SSBP2: variants seen among roughly 807,000 people sequenced by gnomAD.
SSBP2 encodes single-stranded DNA-binding protein 2.
SSBP2 carries 17 observed loss-of-function variants against 61.8 expected under a neutral mutation model. That is an observed-to-expected ratio of 0.28 (90% confidence interval 0.19 to 0.41). The LOEUF (loss-of-function observed/expected upper bound fraction) is 0.41, where lower values mean the gene tolerates loss of function less well. Among genes scored for constraint, SSBP2 ranks in the 10% least tolerant of loss-of-function variants. The pLI is 1.00. For missense variants in SSBP2, 310 were observed against 458.7 expected, an observed-to-expected ratio of 0.68 and a Z score of 2.96; for synonymous variants, 139 against 141.3, an observed-to-expected ratio of 0.98 and a Z score of 0.12.
At position 81,484,194 on chromosome 5, in the gene SSBP2, C is replaced by G. The variant is rs76306634; in HGVS notation, c.432+5056G>C. 5.4e-3 allele frequency among the ~76,000 whole-genome samples: 825 copies of G among 152,142 alleles called. 5 individuals carry two copies. Among genetic ancestry groups the G allele is most frequent in the African/African-American group, 0.018 (763 of 41,516 alleles). On this transcript the variant is annotated intron_variant, in intron 6 of 16. Coordinates refer to ENST00000320672, the MANE Select transcript of SSBP2 (RefSeq NM_012446.5). ...AAGTTTCTATCCAAATATATGGCAA[C>G]GTATTCTATGTATTGACTTATCCAA...
intron 3 of SSBP2, among the ~76,000 whole-genome samples, chr5:81,623,331 CT>C (rs35687529): frequency 0.021 from 2,313 of 110,500 alleles, 3 homozygotes; most frequent in Middle Eastern, 0.03. Flanking sequence ...CATTGTAGTA[CT>C]TTTTTTTTTT....
intron 1 of SSBP2, among the ~76,000 whole-genome samples, chr5:81,734,693 C>T (rs1324393414): frequency 2.0e-5 from 3 of 152,054 alleles, no homozygotes; most frequent in Non-Finnish European, 4.4e-5. Flanking sequence ...TCAAGTTGGC[C>T]GGGCGCGGTG....
chr5:81,651,751 C>T (rs1749748432), intron 1 of SSBP2, among the ~76,000 whole-genome samples: 2 of 152,162 alleles, frequency 1.3e-5, no homozygotes, highest in Non-Finnish European at 2.9e-5. Flanking sequence ...TGGAATATTC[C>T]TGTAGTTTCA....
chr5:81,654,984 T>C (rs923764479), intron 1 of SSBP2, among the ~76,000 whole-genome samples: 33 of 151,292 alleles, frequency 2.2e-4, no homozygotes, highest in African/African-American at 7.3e-4. Flanking sequence ...TATATATATA[T>C]ACTTATATAT....
At chr5:81,588,098 T>A (rs1342868497) in intron 4 of SSBP2, among the ~76,000 whole-genome samples, 2 of 152,116 alleles carry the variant, frequency 1.3e-5, no homozygotes, top group Non-Finnish European at 2.9e-5. Flanking sequence ...CCCAAAGTGC[T>A]GGGATTACAA....
chr5:81,463,818 G>C (rs966358910), intron 9 of SSBP2, among the ~76,000 whole-genome samples: 1 of 145,668 alleles, frequency 6.9e-6, no homozygotes, highest in Non-Finnish European at 1.5e-5. Flanking sequence ...ACCTAGGTTG[G>C]AGTGCAGTGA....
At chr5:81,620,204 C>A (rs1581184783) in intron 3 of SSBP2, among the ~76,000 whole-genome samples, 1 of 119,892 alleles carries the variant, frequency 8.3e-6, no homozygotes, top group Admixed American at 8.9e-5. Flanking sequence ...TCTAGAAAAC[C>A]CCATCGTCTC....
intron 6 of SSBP2, among the ~76,000 whole-genome samples, chr5:81,477,654 A>G (rs1765683970): frequency 6.6e-6 from 1 of 150,682 alleles, no homozygotes; most frequent in South Asian, 2.1e-4. Context: ...AATGCAGAGA[A>G]GGTAAGGGCT....
intron 1 of SSBP2, among the ~76,000 whole-genome samples, chr5:81,714,154 G>T (rs138696922): frequency 6.6e-6 from 1 of 152,068 alleles, no homozygotes; most frequent in Non-Finnish European, 1.5e-5. Flanking sequence ...GAGAACAGGC[G>T]GTGTTTGGTT....
At position 81,414,293 on chromosome 5, in the gene SSBP2, TGAA is replaced by T. The variant is rs1465720314; in HGVS notation, c.*6208_*6210del. 1.4e-5 allele frequency: 2 copies of T among 145,638 alleles called. No individual in the cohort carries two copies. Among genetic ancestry groups the T allele is most frequent in the African/African-American group, 5.1e-5 (2 of 39,348 alleles). The allele number at this position is 145,638 out of a possible 1,614,324, so 9.0% of individuals were successfully genotyped here. The stretch of plus-strand genomic sequence containing the variant: ...TAGTACTGTATTTAATTTTTAAAGA[TGAA>T]GACAGCAAAAATATTCACATTAAAA... On this transcript the variant is annotated 3_prime_UTR_variant, in exon 17 of 17. Coordinates refer to ENST00000320672, the MANE Select transcript of SSBP2 (RefSeq NM_012446.5).
intron 4 of SSBP2, among the ~76,000 whole-genome samples, chr5:81,583,426 G>C (rs1247309841): frequency 6.6e-6 from 1 of 151,984 alleles, no homozygotes; most frequent in African/African-American, 2.4e-5. Context: ...TCAGGAGATT[G>C]AGACCATCCT....
chr5:81,424,713 G>A (rs529099924), intron 16 of SSBP2, among the ~76,000 whole-genome samples: 1 of 152,244 alleles, frequency 6.6e-6, no homozygotes, highest in South Asian at 2.1e-4. Flanking sequence ...GAATGGGCAA[G>A]CAAAAAGGAA....
intron 3 of SSBP2, among the ~76,000 whole-genome samples, chr5:81,634,318 T>C (rs149429982): frequency 6.6e-6 from 1 of 152,286 alleles, no homozygotes; most frequent in East Asian, 1.9e-4. Context: ...AATCAGAAAA[T>C]TTTTAAATCT....
intron 4 of SSBP2, among the ~76,000 whole-genome samples, chr5:81,581,555 T>C (rs186373341): frequency 7.1e-4 from 108 of 152,348 alleles, no homozygotes; most frequent in African/African-American, 2.5e-3. Context: ...CTGTTTCTCA[T>C]AGAAGACAAA....
intron 4 of SSBP2, among the ~76,000 whole-genome samples, chr5:81,600,180 AT>A (rs1315537087): frequency 6.6e-6 from 1 of 152,186 alleles, no homozygotes. Context: ...ATATGTAATA[AT>A]AATTTATAGA....
intron 4 of SSBP2, among the ~76,000 whole-genome samples, chr5:81,577,584 G>A (rs896016492): frequency 6.6e-6 from 1 of 151,972 alleles, no homozygotes; most frequent in Non-Finnish European, 1.5e-5. Flanking sequence ...ATGAATGTAG[G>A]ATATATAGTA....
At chr5:81,535,463 T>C (rs943333092) in intron 4 of SSBP2, among the ~76,000 whole-genome samples, 1 of 151,952 alleles carries the variant, frequency 6.6e-6, no homozygotes, top group Non-Finnish European at 1.5e-5. Context: ...AGGTAAAAGA[T>C]CCAAAATAGT....
At chr5:81,705,926 A>G (rs1754349905) in intron 1 of SSBP2, among the ~76,000 whole-genome samples, 1 of 152,220 alleles carries the variant, frequency 6.6e-6, no homozygotes, top group Non-Finnish European at 1.5e-5. Context: ...CACTGTGGAA[A>G]GCAGTTTGAA....
intron 4 of SSBP2, among the ~76,000 whole-genome samples, chr5:81,583,510 G>A (rs968212590): frequency 6.6e-6 from 1 of 151,776 alleles, no homozygotes; most frequent in Non-Finnish European, 1.5e-5. Context: ...GGCGCCTGTA[G>A]TCCCAGCTAC....
Sources: allele counts gnomAD v4.1 joint callset (sites outside exome capture counted in the v4.1 genomes callset), GRCh38; gene constraint gnomAD v4.1.1; transcripts MANE v1.5; gene names NCBI Gene and HGNC (gene_info 2026-07-23, HGNC 2026-07-21).